The following CBFA2T2 variants were observed in gnomAD, a reference collection of about 807,000 sequenced individuals.
CBFA2T2 encodes the protein CBFA2/RUNX1 partner transcriptional co-repressor 2, also known as protein CBFA2T2.
In CBFA2T2, 11 loss-of-function variants were observed where a neutral mutation model predicts 62.2. The observed-to-expected ratio is 0.18, with a 90% CI of 0.11 to 0.29. The LOEUF is 0.29. CBFA2T2 is among the 10% of genes least tolerant of loss of function. The pLI is 1.00. For missense variants in CBFA2T2, 592 were observed against 774.1 expected (o/e 0.76, Z 2.79); for synonymous variants, 295 against 287.5 (o/e 1.03, Z -0.27).
At chr20:33,602,729 C>A (rs951375617) in intron 1 of CBFA2T2, among the ~76,000 whole-genome samples, 1 of 152,166 alleles carries the variant, frequency 6.6e-6, no homozygotes, top group African/African-American at 2.4e-5. Context: ...TAGATGTCAG[C>A]AACCTCAGCA....
At chr20:33,522,399 G>A (rs1008533338) in intron 1 of CBFA2T2, among the ~76,000 whole-genome samples, 2 of 146,836 alleles carry the variant, frequency 1.4e-5, no homozygotes, top group Non-Finnish European at 2.9e-5. Flanking sequence ...AACCACTAGT[G>A]TACATGATCT....
intron 1 of CBFA2T2, among the ~76,000 whole-genome samples, chr20:33,539,721 C>G (rs2012361332): frequency 6.9e-6 from 1 of 144,500 alleles, no homozygotes; most frequent in African/African-American, 2.6e-5. Context: ...CAGTCTTTGT[C>G]TGTCACTCAG....
At chr20:33,558,259 G>A (rs775656896) in intron 1 of CBFA2T2, among the ~76,000 whole-genome samples, 7 of 151,846 alleles carry the variant, frequency 4.6e-5, no homozygotes, top group Non-Finnish European at 8.8e-5. Flanking sequence ...GGCCACCAGA[G>A]TAGCTGGGAT....
intron 1 of CBFA2T2, among the ~76,000 whole-genome samples, chr20:33,561,791 T>C (rs2013100290): frequency 6.6e-6 from 1 of 152,246 alleles, no homozygotes; most frequent in African/African-American, 2.4e-5. Flanking sequence ...ATCTTCCATT[T>C]ATAATCTTTA....
chr20:33,510,588 A>G (rs948188910), intron 1 of CBFA2T2, among the ~76,000 whole-genome samples: 2 of 152,172 alleles, frequency 1.3e-5, no homozygotes, highest in Non-Finnish European at 1.5e-5. Context: ...TAGTGCCGCA[A>G]TAAACATACT....
chr20:33,532,820 G>A (rs967012751), intron 1 of CBFA2T2, among the ~76,000 whole-genome samples: 1 of 152,196 alleles, frequency 6.6e-6, no homozygotes, highest in African/African-American at 2.4e-5. Flanking sequence ...ATATGGCATG[G>A]TATTATAGAT....
At chr20:33,581,207 C>T (rs988547476) in intron 1 of CBFA2T2, among the ~76,000 whole-genome samples, 7 of 151,966 alleles carry the variant, frequency 4.6e-5, no homozygotes, top group African/African-American at 9.7e-5. Flanking sequence ...TACAGGCACA[C>T]GCCACCACAC....
chr20:33,490,734 T>C (rs1006953955), intron 1 of CBFA2T2, among the ~76,000 whole-genome samples: 3 of 152,214 alleles, frequency 2.0e-5, no homozygotes, highest in Non-Finnish European at 4.4e-5. Flanking sequence ...AGTAGTTGGC[T>C]ACCTGGGTTC....
intron 1 of CBFA2T2, among the ~76,000 whole-genome samples, chr20:33,576,936 T>C (rs1416323325): frequency 5.3e-5 from 8 of 152,238 alleles, no homozygotes; most frequent in African/African-American, 1.9e-4. Context: ...TTTTCTCTGT[T>C]TATTTATTGC....
At chr20:33,522,696 T>G (rs1271461251) in intron 1 of CBFA2T2, among the ~76,000 whole-genome samples, 1 of 152,138 alleles carries the variant, frequency 6.6e-6, no homozygotes, top group Non-Finnish European at 1.5e-5. Flanking sequence ...TGAGGCATGA[T>G]TGCACCACTG....
Position 33,536,289 on chromosome 20 carries a change from G to A in CBFA2T2, c.34+45988G>A, listed in dbSNP as rs1404475107. Among the ~76,000 whole-genome samples the A allele has an allele frequency of 1.2e-4, 18 of 146,246 alleles. 1 individual carries two copies. Among genetic ancestry groups the A allele is most frequent in the East Asian group, 8.0e-4 (4 of 5,024 alleles). On this transcript the variant is annotated intron_variant, in intron 1 of 10. Transcript: ENST00000342704. ...CATCTCCCAGACGGGGCGGCTGGCC[G>A]GGCGGGGGGCTGACCCCCCCCACCT...
chr20:33,531,314 C>G (rs138741129), intron 1 of CBFA2T2, among the ~76,000 whole-genome samples: 7 of 152,042 alleles, frequency 4.6e-5, no homozygotes, highest in Non-Finnish European at 1.0e-4. Context: ...CAGAGGGGAG[C>G]GTTAACTAAA....
At chr20:33,499,074 A>G (rs2011238253) in intron 1 of CBFA2T2, among the ~76,000 whole-genome samples, 1 of 151,646 alleles carries the variant, frequency 6.6e-6, no homozygotes, top group Admixed American at 6.6e-5. Context: ...AAGCAGAGAG[A>G]TTGAGTTTAA....
At chr20:33,527,071 C>T (rs1190161567) in intron 1 of CBFA2T2, among the ~76,000 whole-genome samples, 6 of 152,204 alleles carry the variant, frequency 3.9e-5, no homozygotes, top group Non-Finnish European at 8.8e-5. Flanking sequence ...AAAGACAATA[C>T]AAGACTATGC....
chr20:33,515,725 C>G (rs1458485662), intron 1 of CBFA2T2, among the ~76,000 whole-genome samples: 1 of 131,048 alleles, frequency 7.6e-6, no homozygotes, highest in Non-Finnish European at 1.5e-5. Flanking sequence ...CACTTGAACT[C>G]GGGAGGCAGA....
At chr20:33,557,699 A>T (rs1053667932) in intron 1 of CBFA2T2, among the ~76,000 whole-genome samples, 2 of 151,582 alleles carry the variant, frequency 1.3e-5, no homozygotes, top group African/African-American at 4.8e-5. Flanking sequence ...TAGAAATGGG[A>T]TCTTGGTATG....
intron 2 of CBFA2T2, among the ~76,000 whole-genome samples, chr20:33,610,112 T>A (rs886707760): frequency 2.0e-5 from 3 of 152,130 alleles, no homozygotes; most frequent in African/African-American, 4.8e-5. Context: ...TGAGACTCCC[T>A]GATCTACAAA....
At chr20:33,583,604 G>A (rs989975067) in intron 1 of CBFA2T2, among the ~76,000 whole-genome samples, 10 of 152,078 alleles carry the variant, frequency 6.6e-5, no homozygotes, top group Non-Finnish European at 1.2e-4. Context: ...AATTGAAAAT[G>A]AATTATTTGT....
intron 1 of CBFA2T2, among the ~76,000 whole-genome samples, chr20:33,553,714 T>A (rs1221308036): frequency 6.6e-6 from 1 of 152,218 alleles, no homozygotes; most frequent in Non-Finnish European, 1.5e-5. Context: ...AGGCTATAAG[T>A]TTGCTGACTT....
Sources: allele counts gnomAD v4.1 joint callset (sites outside exome capture counted in the v4.1 genomes callset), GRCh38; gene constraint gnomAD v4.1.1; transcripts MANE v1.5; gene names NCBI Gene and HGNC (gene_info 2026-07-23, HGNC 2026-07-21).